The following DCAF6 variants were observed in gnomAD, a reference collection of about 807,000 sequenced individuals.
DCAF6 encodes the protein DDB1 and CUL4 associated factor 6, also known as DDB1- and CUL4-associated factor 6.
A neutral mutation model predicts 125.1 loss-of-function variants in DCAF6; 54 were observed. The observed-to-expected ratio is 0.43, with a 90% CI of 0.35 to 0.54. DCAF6 has a LOEUF of 0.54. Ranked by LOEUF, DCAF6 falls within the 20% of genes least tolerant of loss-of-function variation. The probability of loss-of-function intolerance (pLI) is 0.01; values close to 1 mark genes in which losing one functional copy is unlikely to be tolerated. For missense variants in DCAF6, 934 were observed against 1,161.7 expected (o/e 0.80, Z 2.85); for synonymous variants, 371 against 390.4 (o/e 0.95, Z 0.58).
At chr1:167,864,003 T>A in the DCAF6 span, among the ~76,000 whole-genome samples, 14 of 152,190 alleles carry the variant, frequency 9.2e-5, no homozygotes, top group Admixed American at 4.6e-4. Flanking sequence ...TCCATTTGAG[T>A]GGAAGCATGG....
Position 168,075,547 on chromosome 1 carries a change from T to C in DCAF6, c.*112T>C. 1 of 952,662 alleles carries C rather than the reference T, an allele frequency of 1.0e-6. No individual in the cohort carries two copies. Among genetic ancestry groups the C allele is most frequent in the South Asian group, 2.0e-5 (1 of 49,082 alleles). 59.0% of individuals were successfully genotyped at this position (952,662 alleles called of 1,614,324 possible). A position where few individuals can be genotyped will look rare whatever the true frequency, so the allele number is the denominator to read the frequency against. On this transcript the variant is annotated 3_prime_UTR_variant, in exon 22 of 22. Coordinates refer to ENST00000367840, the MANE Select transcript of DCAF6 (RefSeq NM_001198956.2). The stretch of plus-strand genomic sequence containing the variant: ...TTTTAAGGTTATGGTTTTTGGAGTT[T>C]TTCCCTTTTTTTGGGATAACCTAAC...
intron 2 of DCAF6, among the ~76,000 whole-genome samples, chr1:167,961,678 T>A (rs765387617): frequency 6.6e-6 from 1 of 152,226 alleles, no homozygotes; most frequent in Non-Finnish European, 1.5e-5. Flanking sequence ...TAGCTAGGAC[T>A]TAAAGTATGG....
intron 1 of DCAF6, among the ~76,000 whole-genome samples, chr1:167,943,940 G>A (rs1481601807): frequency 2.0e-5 from 3 of 151,964 alleles, no homozygotes; most frequent in Admixed American, 6.6e-5. Flanking sequence ...CGAGGTTCAC[G>A]CCATTCTCCT....
chr1:167,941,800 G>C (rs1175444931), intron 1 of DCAF6, among the ~76,000 whole-genome samples: 1 of 152,170 alleles, frequency 6.6e-6, no homozygotes, highest in African/African-American at 2.4e-5. Flanking sequence ...GAAACTTCAT[G>C]TACATCTTGG....
At chr1:168,014,442 C>T (rs530064245) in intron 10 of DCAF6, among the ~76,000 whole-genome samples, 5 of 152,148 alleles carry the variant, frequency 3.3e-5, no homozygotes, top group Non-Finnish European at 5.9e-5. Flanking sequence ...ATTTGACTGC[C>T]TCAAGATTCA....
intron 2 of DCAF6, among the ~76,000 whole-genome samples, chr1:167,957,294 A>T (rs553328352): frequency 6.6e-6 from 1 of 152,120 alleles, no homozygotes; most frequent in Non-Finnish European, 1.5e-5. Flanking sequence ...AGCAATCACT[A>T]ATACTTTCTG....
the DCAF6 span, among the ~76,000 whole-genome samples, chr1:167,870,569 G>A: frequency 6.7e-6 from 1 of 148,312 alleles, no homozygotes; most frequent in Non-Finnish European, 1.5e-5. Flanking sequence ...GAGGTGGGCG[G>A]ATCTGCTGAG....
chr1:168,037,942 C>CT (rs1055711392), intron 12 of DCAF6, among the ~76,000 whole-genome samples: 1 of 152,144 alleles, frequency 6.6e-6, no homozygotes, highest in African/African-American at 2.4e-5. Context: ...TGCCAAACCG[C>CT]TTTTCACAGA....
At chr1:167,893,706 A>C in the DCAF6 span, 1 of 514,840 alleles carries the variant, frequency 1.9e-6, no homozygotes, top group Non-Finnish European at 3.5e-6. Flanking sequence ...AAAAAAAAAA[A>C]AAAAAAAAAA....
chr1:167,884,854 T>G, the DCAF6 span, among the ~76,000 whole-genome samples: 2 of 152,034 alleles, frequency 1.3e-5, no homozygotes, highest in African/African-American at 4.8e-5. Flanking sequence ...TGCACCACCA[T>G]GCCTGGCTAA....
At chr1:167,893,530 T>C in the DCAF6 span, among the ~76,000 whole-genome samples, 1 of 151,924 alleles carries the variant, frequency 6.6e-6, no homozygotes, top group African/African-American at 2.4e-5. Context: ...CAGGCCAACA[T>C]GGTGAAGCTC....
intron 3 of DCAF6, among the ~76,000 whole-genome samples, chr1:167,967,233 G>A (rs1393531313): frequency 1.3e-5 from 2 of 152,124 alleles, no homozygotes; most frequent in Non-Finnish European, 2.9e-5. Flanking sequence ...CCAAATGACT[G>A]CGGTGTGAAT....
At chr1:167,900,498 A>C in the DCAF6 span, among the ~76,000 whole-genome samples, 2 of 151,818 alleles carry the variant, frequency 1.3e-5, no homozygotes, top group African/African-American at 4.8e-5. Context: ...TATTATAATA[A>C]CTTTGATTTT....
At chr1:167,913,339 G>A in the DCAF6 span, among the ~76,000 whole-genome samples, 1 of 152,158 alleles carries the variant, frequency 6.6e-6, no homozygotes, top group Non-Finnish European at 1.5e-5. Context: ...CTCTCCTCTA[G>A]AATTTCCTAA....
At chr1:167,943,997 C>T (rs1472087882) in intron 1 of DCAF6, among the ~76,000 whole-genome samples, 1 of 39,588 alleles carries the variant, frequency 2.5e-5, no homozygotes, top group Non-Finnish European at 4.9e-5. Flanking sequence ...CGCCACCACA[C>T]CTGACTAACT....
chr1:168,018,960 G>A lies in DCAF6; in HGVS notation c.1549+3009G>A, dbSNP rs536140366. ...ATAGTGTAGCTTGCTGTAATTTACA[G>A]AGACCATGTAAGGATGGGTTAAGGC... On this transcript the variant is annotated intron_variant, in intron 11 of 21. Transcript: ENST00000367840. Among the ~76,000 whole-genome samples the A allele has an allele frequency of 2.6e-5, 4 of 152,214 alleles. 1 individual carries two copies. The South Asian group carries it at 8.3e-4, about 32-fold the overall frequency.
At chr1:167,869,865 G>A in the DCAF6 span, among the ~76,000 whole-genome samples, 27 of 152,252 alleles carry the variant, frequency 1.8e-4, no homozygotes, top group Admixed American at 1.6e-3. Context: ...TCACTATCTC[G>A]GTGTCTGAGG....
At chr1:167,880,707 T>C in the DCAF6 span, 2 of 842,152 alleles carry the variant, frequency 2.4e-6, no homozygotes, top group Admixed American at 1.7e-5. Context: ...AATTTTTGGC[T>C]TCTGAATCAG....
chr1:167,944,663 G>C (rs948938900), intron 1 of DCAF6, among the ~76,000 whole-genome samples: 1 of 151,996 alleles, frequency 6.6e-6, no homozygotes. Flanking sequence ...GATTTTTTTG[G>C]TTGTTGAATC....
Sources: allele counts gnomAD v4.1 joint callset (sites outside exome capture counted in the v4.1 genomes callset), GRCh38; gene constraint gnomAD v4.1.1; transcripts MANE v1.5; gene names NCBI Gene and HGNC (gene_info 2026-07-23, HGNC 2026-07-21).